The following VWC2 variants were observed in gnomAD, a reference collection of about 807,000 sequenced individuals.
VWC2 encodes the protein von Willebrand factor C domain containing 2.
Under a neutral mutation model 29.8 loss-of-function variants are expected in VWC2, and 14 were observed. That is an observed-to-expected ratio of 0.47 (90% confidence interval 0.31 to 0.74). The LOEUF (loss-of-function observed/expected upper bound fraction) is 0.74. Among genes scored for constraint, VWC2 ranks in the 30% least tolerant of loss-of-function variants. VWC2 has a pLI of 0.05. For synonymous variants in VWC2, 213 were observed against 199.0 expected, an observed-to-expected ratio of 1.07 and a Z score of -0.59; for missense variants, 457 against 459.8, an observed-to-expected ratio of 0.99 and a Z score of 0.05.
chr7:49,797,689 G>A (rs867734708), intron 2 of VWC2, among the ~76,000 whole-genome samples: 7 of 152,088 alleles, frequency 4.6e-5, no homozygotes, highest in Middle Eastern at 3.2e-3. Flanking sequence ...CATCTCTCTA[G>A]CCTCAGGACT....
intron 3 of VWC2, among the ~76,000 whole-genome samples, chr7:49,826,945 C>G (rs1789407281): frequency 6.6e-6 from 1 of 151,864 alleles, no homozygotes; most frequent in African/African-American, 2.4e-5. Context: ...TTTTCTTAGG[C>G]AAAATTTTTA....
chr7:49,882,654 G>A (rs191562397), intron 3 of VWC2, among the ~76,000 whole-genome samples: 9 of 152,152 alleles, frequency 5.9e-5, no homozygotes, highest in South Asian at 2.1e-4. Context: ...TAAACACTAC[G>A]TCTCATCCCT....
At chr7:49,800,312 A>C (rs998321066) in intron 2 of VWC2, among the ~76,000 whole-genome samples, 6 of 152,226 alleles carry the variant, frequency 3.9e-5, no homozygotes, top group African/African-American at 1.4e-4. Context: ...TTGACGTTGC[A>C]GTTGGACCTT....
intron 2 of VWC2, among the ~76,000 whole-genome samples, chr7:49,793,197 C>T (rs1788504972): frequency 6.6e-6 from 1 of 152,098 alleles, no homozygotes; most frequent in Non-Finnish European, 1.5e-5. Context: ...TCATAAATGA[C>T]CTTTGATATG....
At chr7:49,857,530 C>T (rs549869909) in intron 3 of VWC2, among the ~76,000 whole-genome samples, 20 of 150,744 alleles carry the variant, frequency 1.3e-4, no homozygotes, top group Middle Eastern at 3.4e-3. Context: ...TACAGATGGC[C>T]GACAGGTAGA....
chr7:49,829,815 C>T (rs1051192365), intron 3 of VWC2, among the ~76,000 whole-genome samples: 1 of 152,204 alleles, frequency 6.6e-6, no homozygotes, highest in Non-Finnish European at 1.5e-5. Context: ...ACAATTACAA[C>T]AAGAGTCTGT....
chr7:49,781,421 T>A (rs1215418799), intron 2 of VWC2, among the ~76,000 whole-genome samples: 2 of 152,210 alleles, frequency 1.3e-5, no homozygotes, highest in Admixed American at 1.3e-4. Context: ...CAGAAGGGAA[T>A]CAATATTTAT....
In VWC2 at chr7:49,789,214, TGTGA is replaced by T. The variant is rs1247670826; in HGVS notation, c.696+13087_696+13090del. Among the ~76,000 whole-genome samples, 8 of 149,240 alleles carry T rather than the reference TGTGA, an allele frequency of 5.4e-5. 1 individual carries two copies. Among genetic ancestry groups the T allele is most frequent in the African/African-American group, 2.0e-4 (8 of 40,708 alleles). On this transcript the variant is annotated intron_variant, in intron 2 of 3. Transcript: ENST00000340652. ...GCATGTGTGAGTGTGGGTGTGTGTGTGTGAGTGTGGGAGAGTGTGTGAAAGAGTG... is the reference window on the plus strand; with the variant it reads ...GCATGTGTGAGTGTGGGTGTGTGTGTGTGTGGGAGAGTGTGTGAAAGAGTG...
At chr7:49,802,916 C>T (rs530556919) in intron 3 of VWC2, 76 bp downstream of exon 3, 141 of 1,589,876 alleles carry the variant, frequency 8.9e-5, no homozygotes, top group South Asian at 7.9e-4. Context: ...TCATGGTAGA[C>T]GGGACACATA....
intron 3 of VWC2, among the ~76,000 whole-genome samples, chr7:49,812,934 A>G (rs1789046451): frequency 6.6e-6 from 1 of 152,236 alleles, no homozygotes; most frequent in Non-Finnish European, 1.5e-5. Context: ...CTACTTATTT[A>G]ATACCTGTTA....
intron 3 of VWC2, among the ~76,000 whole-genome samples, chr7:49,910,717 T>G (rs190461800): frequency 6.6e-6 from 1 of 152,236 alleles, no homozygotes; most frequent in African/African-American, 2.4e-5. Flanking sequence ...TGATATATTA[T>G]AGCTGATATA....
intron 3 of VWC2, among the ~76,000 whole-genome samples, chr7:49,846,669 C>T (rs1020408697): frequency 2.6e-5 from 4 of 152,172 alleles, no homozygotes; most frequent in Admixed American, 1.3e-4. Flanking sequence ...ACCACAGAGA[C>T]GTTTTCATCA....
intron 3 of VWC2, among the ~76,000 whole-genome samples, chr7:49,899,148 A>T (rs1583786579): frequency 6.6e-6 from 1 of 152,140 alleles, no homozygotes; most frequent in South Asian, 2.1e-4. Context: ...TATGTTCTAC[A>T]ACCCCCAGTG....
At chr7:49,824,434 A>G (rs1290819004) in intron 3 of VWC2, among the ~76,000 whole-genome samples, 1 of 152,226 alleles carries the variant, frequency 6.6e-6, no homozygotes, top group East Asian at 1.9e-4. Flanking sequence ...CCATTCATCT[A>G]TAAGTTAATC....
At chr7:49,840,084 G>A (rs547013987) in intron 3 of VWC2, among the ~76,000 whole-genome samples, 45 of 152,264 alleles carry the variant, frequency 3.0e-4, no homozygotes, top group African/African-American at 1.0e-3. Context: ...GAGCAGGAGC[G>A]CCTTTACTTG....
chr7:49,802,965 C>T (rs73108844), intron 3 of VWC2, 125 bp downstream of exon 3: 127,437 of 1,188,386 alleles, frequency 0.11, 7,018 homozygotes, highest in African/African-American at 0.13. Flanking sequence ...AATACACATG[C>T]GTACACACGT....
Position 49,877,481 on chromosome 7 carries a change from A to AAAAAATATACATATAC in VWC2, c.827-34552_827-34551insAAAATATACATATACA. Among the ~76,000 whole-genome samples the AAAAAATATACATATAC allele has an allele frequency of 1.6e-4, 2 of 12,722 alleles. 1 individual carries two copies. The highest frequency in any genetic ancestry group is 2.9e-4 in the Non-Finnish European group (2 of 6,948). The allele number at this position is 12,722 out of a possible 152,430, so 8.3% of individuals were successfully genotyped here. ...CTGTCTCAAAAAAAAAAAAAAAAAA[A>AAAAAATATACATATAC]ATATATATATATATATATATATATA... On this transcript the variant is annotated intron_variant, in intron 3 of 3. Coordinates refer to ENST00000340652, the MANE Select transcript of VWC2 (RefSeq NM_198570.5).
chr7:49,788,445 C>CTGTG lies in VWC2; in HGVS notation c.696+12335_696+12338dup, dbSNP rs35708736. Among the ~76,000 whole-genome samples the CTGTG allele has an allele frequency of 2.9e-3, 425 of 148,168 alleles. 2 individuals are homozygous for CTGTG. The highest frequency in any genetic ancestry group is 6.9e-3 in the African/African-American group (283 of 40,728). On this transcript the variant is annotated intron_variant, in intron 2 of 3. Coordinates refer to ENST00000340652, the MANE Select transcript of VWC2 (RefSeq NM_198570.5). ...CACTGTAGTTCTGTTTTCCCCTGGC[C>CTGTG]TGTGTGTGTGTGTGTGTGTGTGTGA... is the stretch of plus-strand genomic sequence containing the variant.
intron 3 of VWC2, among the ~76,000 whole-genome samples, chr7:49,907,466 TAGG>T (rs1793168548): frequency 6.6e-6 from 1 of 152,088 alleles, no homozygotes; most frequent in African/African-American, 2.4e-5. Flanking sequence ...AGGATAAAAA[TAGG>T]AGAGTATATT....
Sources: gnomAD v4.1 joint callset for allele counts (sites outside exome capture counted in the v4.1 genomes callset) on GRCh38, gnomAD v4.1.1 for gene constraint, MANE v1.5 for transcripts, NCBI Gene and HGNC (gene_info 2026-07-23, HGNC 2026-07-21) for gene names.